The following RAB6B variants were observed in gnomAD, a reference collection of about 807,000 sequenced individuals.
RAB6B encodes the protein RAB6B, member RAS oncogene family.
Under a neutral mutation model 31.2 loss-of-function variants are expected in RAB6B, and 7 were observed. The observed-to-expected ratio is 0.22, with a 90% CI of 0.13 to 0.42. The LOEUF (loss-of-function observed/expected upper bound fraction) is 0.42, where lower values mean the gene tolerates loss of function less well. Among genes scored for constraint, RAB6B ranks in the 10% least tolerant of loss-of-function variants. The probability of loss-of-function intolerance (pLI) is 1.00; values close to 1 mark genes in which losing one functional copy is unlikely to be tolerated. For synonymous variants in RAB6B, 105 were observed against 104.9 expected (o/e 1.00, Z -0.01); for missense variants, 149 against 280.6 (o/e 0.53, Z 3.35).
chr3:133,846,668 A>C (rs1479762839), intron 2 of RAB6B, among the ~76,000 whole-genome samples: 4 of 152,220 alleles, frequency 2.6e-5, no homozygotes, highest in Non-Finnish European at 5.9e-5. Flanking sequence ...AAGTAGAGAG[A>C]AAACCGTAAT....
At chr3:133,844,894 G>A (rs1415402127) in intron 2 of RAB6B, among the ~76,000 whole-genome samples, 1 of 151,382 alleles carries the variant, frequency 6.6e-6, no homozygotes, top group Non-Finnish European at 1.5e-5. Flanking sequence ...AGTGAGCCAT[G>A]ATGACACTAC....
chr3:133,886,080 C>A (rs1327261879), intron 1 of RAB6B, among the ~76,000 whole-genome samples: 1 of 152,166 alleles, frequency 6.6e-6, no homozygotes, highest in Non-Finnish European at 1.5e-5. Context: ...TCAACCCCTT[C>A]TCCCCCACTA....
In RAB6B at chr3:133,825,783, A is replaced by C. The variant is rs1436985487; in HGVS notation, c.*3005T>G. ...ACCATCCCCAAAAAAGAAGGCCAAG[A>C]GGATCCTGCTAATCTGCCAGGTCAC... On this transcript the variant is annotated 3_prime_UTR_variant, in exon 8 of 8. Coordinates refer to ENST00000285208, the MANE Select transcript of RAB6B (RefSeq NM_016577.4). 1 of 152,226 alleles carries C rather than the reference A, an allele frequency of 6.6e-6. No homozygotes were observed. The highest frequency in any genetic ancestry group is 2.4e-5 in the African/African-American group (1 of 41,448). The allele number at this position is 152,226 out of a possible 1,614,324, so 9.4% of individuals were successfully genotyped here. A position where few individuals can be genotyped will look rare whatever the true frequency, so the allele number is the denominator to read the frequency against.
At chr3:133,862,726 T>A (rs539083332) in intron 2 of RAB6B, among the ~76,000 whole-genome samples, 82 of 151,916 alleles carry the variant, frequency 5.4e-4, no homozygotes, top group African/African-American at 1.8e-3. Flanking sequence ...TAGGGCGAGA[T>A]TTTGAGGAAC....
chr3:133,852,431 C>T (rs563283421), intron 2 of RAB6B, among the ~76,000 whole-genome samples: 5 of 152,088 alleles, frequency 3.3e-5, no homozygotes, highest in Admixed American at 2.6e-4. Flanking sequence ...TTACATATAC[C>T]TCTTTGTAAG....
rs564719935 is a variant in RAB6B at position 133,827,715 on chromosome 3, G to A, written c.*1073C>T. Reference sequence around the variant, plus strand: ...TAGCAGCTGAGGCTCTAAGAACATGGATCTTTCAAGGTGGTGGTTCTGCAG... The same window carrying A: ...TAGCAGCTGAGGCTCTAAGAACATGAATCTTTCAAGGTGGTGGTTCTGCAG... On this transcript the variant is annotated 3_prime_UTR_variant, in exon 8 of 8. Coordinates refer to ENST00000285208, the MANE Select transcript of RAB6B (RefSeq NM_016577.4). 55 of 585,918 alleles carry A rather than the reference G, an allele frequency of 9.4e-5. 1 individual carries two copies. The highest frequency in any genetic ancestry group is 5.0e-4 in the Admixed American group (17 of 34,290). 36.3% of individuals were successfully genotyped at this position (585,918 alleles called of 1,614,324 possible).
rs371160673 is a variant in RAB6B at position 133,836,747 on chromosome 3, C to T, written c.495+1419G>A. Among the ~76,000 whole-genome samples the T allele has an allele frequency of 2.0e-5, 3 of 152,276 alleles. No homozygotes were observed. In the East Asian group the frequency reaches 5.8e-4, roughly 29 times the overall value. ...CCCCAGGGAGCAGGAAGGACCATGA[C>T]AGCTTCAGCCCCACACCAAGGGAGG... On this transcript the variant is annotated intron_variant, in intron 6 of 7. Coordinates refer to ENST00000285208, the MANE Select transcript of RAB6B (RefSeq NM_016577.4).
chr3:133,835,177 T>A (rs150298860), intron 6 of RAB6B, among the ~76,000 whole-genome samples: 1 of 152,312 alleles, frequency 6.6e-6, no homozygotes, highest in East Asian at 1.9e-4. Flanking sequence ...TGCAGGAGTG[T>A]GAACACAATT....
rs939693796 is a variant in RAB6B at position 133,895,459 on chromosome 3, G to A, written c.8C>T (p.Ala3Val). 3 of 1,611,058 alleles carry A rather than the reference G, an allele frequency of 1.9e-6. No homozygotes were observed. In the African/African-American group the frequency reaches 4.0e-5, roughly 22 times the overall value. Residue 3 changes from alanine (A) to valine (V), a missense_variant, in exon 1 of 8, where the codon GCA (alanine) becomes GTA (valine). Ala to Val is a moderately conservative substitution (Grantham distance 64). Around this residue, in one of 2 missense-constraint regions of RAB6B, gnomAD observed 75 missense variants for 180.1 expected, o/e 0.42. Coordinates refer to ENST00000285208, the MANE Select transcript of RAB6B (RefSeq NM_016577.4). Reference sequence around the variant, plus strand: ...CAGTGGATTCCCAAAATCTCCCCCTGCGGACATGGTGCTGGCAGCCGGGGC... The same window carrying A: ...CAGTGGATTCCCAAAATCTCCCCCTACGGACATGGTGCTGGCAGCCGGGGC... MS[A>V]GGDFGNPLRK...
intron 1 of RAB6B, among the ~76,000 whole-genome samples, chr3:133,870,720 C>G (rs755395594): frequency 6.6e-6 from 1 of 152,268 alleles, no homozygotes; most frequent in Non-Finnish European, 1.5e-5. Context: ...CAAATGCCAG[C>G]ACTGCATTCA....
intron 1 of RAB6B, among the ~76,000 whole-genome samples, chr3:133,881,746 G>A (rs975160973): frequency 6.6e-6 from 1 of 152,202 alleles, no homozygotes; most frequent in African/African-American, 2.4e-5. Context: ...ACCCCAATGA[G>A]TGCTTCACAG....
chr3:133,834,311 C>T (rs997292698), intron 7 of RAB6B, among the ~76,000 whole-genome samples: 1 of 152,172 alleles, frequency 6.6e-6, no homozygotes, highest in African/African-American at 2.4e-5. Context: ...GTTTCTCACT[C>T]CCCACCCCAC....
chr3:133,850,530 C>T (rs995158709), intron 2 of RAB6B, among the ~76,000 whole-genome samples: 2 of 151,896 alleles, frequency 1.3e-5, no homozygotes, highest in African/African-American at 4.8e-5. Context: ...AAACTTAGAA[C>T]TGAAAAATAC....
intron 1 of RAB6B, among the ~76,000 whole-genome samples, chr3:133,883,183 T>C (rs777748363): frequency 3.5e-4 from 54 of 152,268 alleles, no homozygotes; most frequent in Non-Finnish European, 7.2e-4. Flanking sequence ...CCAGACAGCC[T>C]TGGGGAGGAA....
intron 1 of RAB6B, among the ~76,000 whole-genome samples, chr3:133,889,396 A>T (rs1173165640): frequency 0.01 from 128 of 12,800 alleles, 8 homozygotes; most frequent in Non-Finnish European, 0.013. Context: ...TGTTATATAT[A>T]TATATATATA....
At chr3:133,851,640 C>T (rs555148280) in intron 2 of RAB6B, among the ~76,000 whole-genome samples, 8 of 152,218 alleles carry the variant, frequency 5.3e-5, no homozygotes, top group African/African-American at 1.9e-4. Context: ...TGTAGAGAGG[C>T]TGGGTGACTA....
chr3:133,862,318 C>G (rs931140493), intron 2 of RAB6B, among the ~76,000 whole-genome samples: 1 of 152,122 alleles, frequency 6.6e-6, no homozygotes, highest in Admixed American at 6.5e-5. Context: ...TGGTCAGGCC[C>G]TGTGCTAGAC....
In RAB6B at chr3:133,828,646, C is replaced by T. The variant is rs73861225; in HGVS notation, c.*142G>A. The T allele has an allele frequency of 4.1e-6, 2 of 493,322 alleles. No homozygotes were observed. 30.6% of individuals were successfully genotyped at this position (493,322 alleles called of 1,614,324 possible). ...CCTGATGCCCAGCCTCCCTCCCCAT[C>T]CCACCCTACTCCTAAAGACAGAGAG... On this transcript the variant is annotated 3_prime_UTR_variant, in exon 8 of 8. Transcript: ENST00000285208.
chr3:133,876,232 C>T (rs1208427379), intron 1 of RAB6B, among the ~76,000 whole-genome samples: 4 of 152,186 alleles, frequency 2.6e-5, no homozygotes, highest in Non-Finnish European at 5.9e-5. Flanking sequence ...ACTGAGAATT[C>T]CCTCTGTATT....
Sources: gnomAD v4.1 joint callset for allele counts (sites outside exome capture counted in the v4.1 genomes callset) on GRCh38, gnomAD v4.1.1 for gene constraint, gnomAD v4.1.1 regional missense constraint, MANE v1.5 for transcripts, NCBI Gene and HGNC (gene_info 2026-07-23, HGNC 2026-07-21) for gene names.